PIKFYVE: variants seen among roughly 807,000 people sequenced by gnomAD.
PIKFYVE encodes phosphoinositide kinase, FYVE-type zinc finger containing, also known as 1-phosphatidylinositol 3-phosphate 5-kinase.
PIKFYVE carries 122 observed loss-of-function variants against 257.9 expected under a neutral mutation model. The observed-to-expected ratio is 0.47, with a 90% CI of 0.41 to 0.55. The LOEUF (loss-of-function observed/expected upper bound fraction) is 0.55. PIKFYVE is among the 20% of genes least tolerant of loss of function. PIKFYVE has a pLI of 0.00. For synonymous variants in PIKFYVE, 892 were observed against 868.9 expected, an observed-to-expected ratio of 1.03 and a Z score of -0.47; for missense variants, 2,160 against 2,536.6, an observed-to-expected ratio of 0.85 and a Z score of 3.19.
intron 35 of PIKFYVE, among the ~76,000 whole-genome samples, 167 bp downstream of exon 35, chr2:208,348,190 G>A (rs1699416537): frequency 1.3e-5 from 2 of 152,188 alleles, no homozygotes; most frequent in African/African-American, 4.8e-5. Context: ...GGCACTGGGA[G>A]AGTCCAACTA....
In PIKFYVE at chr2:208,348,520, G is replaced by A. The variant is rs192891403; in HGVS notation, c.5374+497G>A. Among the ~76,000 whole-genome samples the A allele has an allele frequency of 2.0e-5, 3 of 151,488 alleles. No homozygotes were observed. The East Asian group carries it at 5.8e-4, about 29-fold the overall frequency. Reference sequence around the variant, plus strand: ...TCCCATCACTTTGGGAGGCTGAGACGGCAGGATCACTTGAAGCCAGCAGTT... The same window carrying A: ...TCCCATCACTTTGGGAGGCTGAGACAGCAGGATCACTTGAAGCCAGCAGTT... On this transcript the variant is annotated intron_variant, in intron 35 of 41. Transcript: ENST00000264380.
intron 33 of PIKFYVE, among the ~76,000 whole-genome samples, chr2:208,345,589 C>T (rs1401970720): frequency 6.6e-6 from 1 of 152,046 alleles, no homozygotes; most frequent in Non-Finnish European, 1.5e-5. Flanking sequence ...CAAACCCAAA[C>T]CAGTTATTTT....
intron 29 of PIKFYVE, among the ~76,000 whole-genome samples, chr2:208,338,921 C>G (rs1432421374): frequency 2.6e-5 from 4 of 152,134 alleles, no homozygotes; most frequent in Admixed American, 2.0e-4. Context: ...AAAATATTGT[C>G]TAGACCTAAG....
chr2:208,272,189 T>G (rs1476504840), intron 2 of PIKFYVE, among the ~76,000 whole-genome samples: 1 of 151,714 alleles, frequency 6.6e-6, no homozygotes, highest in African/African-American at 2.4e-5. Flanking sequence ...GAGCCGAGAT[T>G]GCGCGACTGT....
chr2:208,307,651 A>C (rs1394400508), intron 12 of PIKFYVE, among the ~76,000 whole-genome samples: 1 of 151,836 alleles, frequency 6.6e-6, no homozygotes, highest in East Asian at 1.9e-4. Context: ...AGTAAGCAGA[A>C]TGTATTGTGG....
chr2:208,292,359 C>G (rs1187040246), intron 7 of PIKFYVE, among the ~76,000 whole-genome samples: 1 of 152,204 alleles, frequency 6.6e-6, no homozygotes, highest in African/African-American at 2.4e-5. Context: ...TTGATTTTCT[C>G]TCTGCTGGAT....
At chr2:208,299,843 A>G (rs1316413539) in intron 8 of PIKFYVE, among the ~76,000 whole-genome samples, 1 of 152,172 alleles carries the variant, frequency 6.6e-6, no homozygotes, top group Non-Finnish European at 1.5e-5. Flanking sequence ...TGTGTCCTCA[A>G]GCTTATAATT....
intron 19 of PIKFYVE, 88 bp downstream of exon 19, chr2:208,325,125 T>C (rs1696769781): frequency 6.3e-7 from 1 of 1,591,474 alleles, no homozygotes; most frequent in Non-Finnish European, 8.6e-7. Flanking sequence ...TACCTATTAA[T>C]AGTGGGTAAG....
intron 7 of PIKFYVE, among the ~76,000 whole-genome samples, chr2:208,293,174 G>A (rs1692533172): frequency 6.7e-6 from 1 of 150,114 alleles, no homozygotes; most frequent in Non-Finnish European, 1.5e-5. Flanking sequence ...TACTTCACAG[G>A]TAATGCAAAT....
At chr2:208,318,674 A>G (rs1202440774) in intron 16 of PIKFYVE, among the ~76,000 whole-genome samples, 1 of 152,188 alleles carries the variant, frequency 6.6e-6, no homozygotes, top group African/African-American at 2.4e-5. Flanking sequence ...TACTGTATTT[A>G]AAGTAGGCAC....
chr2:208,329,619 G>C (rs1216348649), intron 21 of PIKFYVE, among the ~76,000 whole-genome samples: 1 of 152,122 alleles, frequency 6.6e-6, no homozygotes, highest in Non-Finnish European at 1.5e-5. Context: ...ATCCTCATTA[G>C]TTTCATAAGA....
At chr2:208,296,525 T>C (rs1306174421) in intron 7 of PIKFYVE, among the ~76,000 whole-genome samples, 1 of 152,154 alleles carries the variant, frequency 6.6e-6, no homozygotes, top group African/African-American at 2.4e-5. Context: ...TAGTTGGATA[T>C]ATGAGTCCAG....
intron 3 of PIKFYVE, 44 bp from the exon 4 acceptor site, chr2:208,276,668 C>A (rs1428069833): frequency 2.2e-6 from 3 of 1,364,348 alleles, no homozygotes; most frequent in Admixed American, 3.4e-5. Flanking sequence ...TATATAGATA[C>A]TAGGGACTGT....
rs772838463 is a variant in PIKFYVE at position 208,317,906 on chromosome 2, G to A, written c.2047G>A (p.Gly683Ser). 2 of 1,614,032 alleles carry A rather than the reference G, an allele frequency of 1.2e-6. No homozygotes were observed. Among genetic ancestry groups the A allele is most frequent in the South Asian group, 2.2e-5 (2 of 91,076 alleles). Residue 683 changes from glycine (G) to serine (S), a missense_variant, in exon 16 of 42, where the codon GGC becomes AGC. By Grantham distance (56) the Gly-to-Ser change is moderately conservative. Around this residue, in one of 12 missense-constraint regions of PIKFYVE, gnomAD observed 346 missense variants for 365.6 expected, o/e 0.95. Coordinates refer to ENST00000264380, the MANE Select transcript of PIKFYVE (RefSeq NM_015040.4). Reference sequence around the variant, plus strand: ...GAAGTTTGATTCTGTGGTTGTCAATGGCTTTGTTTGTACCAAGAACATTGC... The same window carrying A: ...GAAGTTTGATTCTGTGGTTGTCAATAGCTTTGTTTGTACCAAGAACATTGC... ...GKKFDSVVVN[G>S]FVCTKNIAHK...
intron 6 of PIKFYVE, among the ~76,000 whole-genome samples, chr2:208,287,003 A>C (rs10173938): frequency 0.75 from 113,437 of 151,966 alleles, 44,441 homozygotes; most frequent in East Asian, 0.93. Context: ...AATTAATTAC[A>C]GCTACATTCA....
intron 12 of PIKFYVE, among the ~76,000 whole-genome samples, chr2:208,311,662 TATAATTTTTGA>T (rs1559102150): frequency 6.6e-6 from 1 of 152,212 alleles, no homozygotes; most frequent in Admixed American, 6.5e-5. Context: ...CAGTGTTTGA[TATAATTTTTGA>T]AAAACAAAAA....
rs747081829 is a variant in PIKFYVE at position 208,348,005 on chromosome 2, C to T, written c.5356C>T (p.Gln1786Ter). ...GQTGKEGTEN[Q>*]GVEPQDEVDG... ...GACGGGCAAGGAGGGGACCGAGAAT[C>T]AAGGCGTTGAGCCTCAAGGTGTGTT... The change falls in exon 35 of 42, where the codon CAA (glutamine) becomes TAA (stop). Residue 1786 changes from glutamine to a stop codon, truncating the protein, a stop_gained. Coordinates refer to ENST00000264380, the MANE Select transcript of PIKFYVE (RefSeq NM_015040.4). LOFTEE classifies it high-confidence loss of function. 6.2e-7 allele frequency: 1 copy of T among 1,614,018 alleles called. No individual in the cohort carries two copies. The highest frequency in any genetic ancestry group is 8.5e-7 in the Non-Finnish European group (1 of 1,180,012).
chr2:208,268,407 G>T (rs1283377044), intron 1 of PIKFYVE, among the ~76,000 whole-genome samples: 1 of 142,774 alleles, frequency 7.0e-6, no homozygotes, highest in Admixed American at 7.1e-5. Context: ...TCACATTATC[G>T]TTTCTCTCCA....
chr2:208,269,484 G>C (rs1689127390), intron 1 of PIKFYVE: 2 of 255,174 alleles, frequency 7.8e-6, no homozygotes, highest in Admixed American at 8.0e-5. Context: ...TGACTTTGCT[G>C]TTCCCCTCCT....
Sources: gnomAD v4.1 joint callset for allele counts (sites outside exome capture counted in the v4.1 genomes callset) on GRCh38, gnomAD v4.1.1 for gene constraint, gnomAD v4.1.1 regional missense constraint, MANE v1.5 for transcripts, NCBI Gene and HGNC (gene_info 2026-07-23, HGNC 2026-07-21) for gene names.